The following RTTN variants were observed in gnomAD, a reference collection of about 807,000 sequenced individuals.
The protein encoded by RTTN is rotatin.
RTTN carries 182 observed loss-of-function variants against 269.2 expected under a neutral mutation model. The ratio of observed to expected loss-of-function variants is 0.68; its 90% CI spans 0.60 to 0.76. The LOEUF is 0.76. Among genes scored for constraint, RTTN ranks in the 30% least tolerant of loss-of-function variants. The pLI, the probability that RTTN is intolerant of heterozygous loss-of-function variation, is 0.00. For missense variants in RTTN, 2,545 were observed against 2,608.6 expected (o/e 0.98, Z 0.53); for synonymous variants, 1,006 against 963.5 (o/e 1.04, Z -0.82).
intron 46 of RTTN, among the ~76,000 whole-genome samples, chr18:70,014,134 C>A (rs1166839962): frequency 6.6e-6 from 1 of 152,182 alleles, no homozygotes; most frequent in East Asian, 1.9e-4. Flanking sequence ...AATAAGATAG[C>A]CACTAGCCAC....
intron 11 of RTTN, among the ~76,000 whole-genome samples, chr18:70,171,839 G>T (rs1222652492): frequency 6.6e-6 from 1 of 152,202 alleles, no homozygotes; most frequent in African/African-American, 2.4e-5. Flanking sequence ...TGATGAATCA[G>T]AATATGCAAG....
intron 21 of RTTN, chr18:70,138,150 G>C (rs532538267): frequency 6.6e-6 from 1 of 152,450 alleles, no homozygotes; most frequent in South Asian, 2.1e-4. Context: ...ATGGTGGCAG[G>C]CACCTGTAAT....
rs764927472 is a variant in RTTN at position 70,145,623 on chromosome 18, G to C, written c.2470C>G (p.Leu824Val). 6.3e-7 allele frequency: 1 copy of C among 1,598,900 alleles called. No individual in the cohort carries two copies. The highest frequency in any genetic ancestry group is 8.5e-7 in the Non-Finnish European group (1 of 1,174,880). ...IELRLDDRRELVIKLETVEKV... is the reference protein window; with the variant it reads ...IELRLDDRREVVIKLETVEKV... ...AAATTTATAGTCACCTTAATAACCA[G>C]CTCTCTTCTGTCATCCAGTCTGAGT... The change falls in exon 18 of 49, where the codon CTG becomes GTG. Residue 824 changes from leucine to valine, a missense_variant. Transcript: ENST00000640769.
At chr18:70,045,269 G>A (rs1196744852) in intron 40 of RTTN, among the ~76,000 whole-genome samples, 3 of 152,168 alleles carry the variant, frequency 2.0e-5, no homozygotes, top group Non-Finnish European at 4.4e-5. Context: ...GATTTTAGAG[G>A]CAGCTGAAAC....
intron 4 of RTTN, among the ~76,000 whole-genome samples, chr18:70,201,685 C>T (rs1419631993): frequency 6.8e-6 from 1 of 146,372 alleles, no homozygotes; most frequent in African/African-American, 2.5e-5. Flanking sequence ...CATCCATCTA[C>T]ACAGTTGTTC....
chr18:70,069,990 T>C (rs2058251994), intron 34 of RTTN, among the ~76,000 whole-genome samples: 1 of 152,210 alleles, frequency 6.6e-6, no homozygotes, highest in Non-Finnish European at 1.5e-5. Flanking sequence ...TTTGTAATCA[T>C]TAATTCTAAC....
At chr18:70,110,161 C>G (rs1204333493) in intron 27 of RTTN, among the ~76,000 whole-genome samples, 3 of 151,466 alleles carry the variant, frequency 2.0e-5, no homozygotes. Context: ...AGCCCTGGAG[C>G]TTGAGGTTAC....
At chr18:70,033,927 A>T (rs2057094340) in intron 40 of RTTN, among the ~76,000 whole-genome samples, 1 of 152,210 alleles carries the variant, frequency 6.6e-6, no homozygotes, top group Non-Finnish European at 1.5e-5. Flanking sequence ...AGACGATTAT[A>T]AACACTTCTA....
chr18:70,153,454 C>T (rs1437800030), intron 14 of RTTN, among the ~76,000 whole-genome samples: 1 of 151,922 alleles, frequency 6.6e-6, no homozygotes, highest in Admixed American at 6.6e-5. Flanking sequence ...GGTAAAGTGT[C>T]CAGTAAATAT....
rs559510949 is a variant in RTTN at position 70,143,459 on chromosome 18, G to A, written c.2482-1072C>T. 6.4e-4 allele frequency among the ~76,000 whole-genome samples: 98 copies of A among 152,270 alleles called. 1 individual carries two copies. The highest frequency in any genetic ancestry group is 9.8e-4 in the Non-Finnish European group (67 of 68,028). On this transcript the variant is annotated intron_variant, in intron 18 of 48. Transcript: ENST00000640769. ...TGTCTTTTGAGGGAACATGGATGAA[G>A]CCGGAGGCCATTATCCTTAGCAAAA...
intron 32 of RTTN, among the ~76,000 whole-genome samples, chr18:70,081,646 T>A (rs1456608019): frequency 6.6e-6 from 1 of 152,188 alleles, no homozygotes; most frequent in East Asian, 1.9e-4. Context: ...GTAGCCTGCA[T>A]TCTTCAAAAA....
chr18:70,107,462 G>A (rs1255153442), intron 28 of RTTN, among the ~76,000 whole-genome samples: 1 of 152,198 alleles, frequency 6.6e-6, no homozygotes, highest in African/African-American at 2.4e-5. Flanking sequence ...TGTTCTCATA[G>A]AACTATGTAC....
chr18:70,203,155 T>A (rs1241036794), intron 3 of RTTN, among the ~76,000 whole-genome samples: 1 of 152,088 alleles, frequency 6.6e-6, no homozygotes, highest in Non-Finnish European at 1.5e-5. Context: ...CTAAGCACTT[T>A]ACAGACATTG....
chr18:70,156,274 C>G (rs141953605), intron 14 of RTTN, among the ~76,000 whole-genome samples: 1 of 152,186 alleles, frequency 6.6e-6, no homozygotes, highest in Non-Finnish European at 1.5e-5. Context: ...TAAAATGGCC[C>G]CCTTGGGTGT....
chr18:70,061,075 C>T (rs1654514202), intron 35 of RTTN, among the ~76,000 whole-genome samples: 2 of 152,142 alleles, frequency 1.3e-5, no homozygotes, highest in South Asian at 4.1e-4. Flanking sequence ...GCAGCTATCT[C>T]GTCGATATAC....
intron 40 of RTTN, among the ~76,000 whole-genome samples, chr18:70,038,306 C>G (rs2057237286): frequency 6.6e-6 from 1 of 152,110 alleles, no homozygotes; most frequent in Non-Finnish European, 1.5e-5. Context: ...TTGAGAGAAA[C>G]CCAGTGTTGT....
At position 70,088,108 on chromosome 18, in the gene RTTN, T is replaced by A. The variant is rs1356574047; in HGVS notation, c.4183A>T (p.Thr1395Ser). The A allele has an allele frequency of 6.2e-7, 1 of 1,613,878 alleles. No individual in the cohort carries two copies. Residue 1395 changes from threonine (T) to serine (S), a missense_variant, in exon 31 of 49, where the codon ACC becomes TCC. Thr to Ser is a moderately conservative substitution (Grantham distance 58, BLOSUM62 1). Transcript: ENST00000640769. ...TSLGLGSALTTLETGCVALAN... is the reference protein window; with the variant it reads ...TSLGLGSALTSLETGCVALAN... ...AAGGCCACACAGCCCGTTTCAAGGG[T>A]GGTCAGTGCTGATCCTAATCCCAGT...
At chr18:70,195,270 G>A (rs569019191) in intron 7 of RTTN, among the ~76,000 whole-genome samples, 2 of 152,308 alleles carry the variant, frequency 1.3e-5, no homozygotes, top group South Asian at 4.1e-4. Context: ...TTCGAGTGAC[G>A]ATTCCTTGTC....
chr18:70,036,077 G>A (rs2057164069), intron 40 of RTTN, among the ~76,000 whole-genome samples: 1 of 152,168 alleles, frequency 6.6e-6, no homozygotes, highest in Admixed American at 6.5e-5. Flanking sequence ...GTGGAGAAAA[G>A]GGAATGCTTA....
Sources: gnomAD v4.1 joint callset for allele counts (sites outside exome capture counted in the v4.1 genomes callset) on GRCh38, gnomAD v4.1.1 for gene constraint, MANE v1.5 for transcripts, NCBI Gene and HGNC (gene_info 2026-07-23, HGNC 2026-07-21) for gene names.